Variants in ARPC1A observed in about 807,000 individuals in gnomAD.
The protein encoded by ARPC1A is actin related protein 2/3 complex subunit 1A.
Under a neutral mutation model 46.9 loss-of-function variants are expected in ARPC1A, and 8 were observed. The observed-to-expected ratio is 0.17, with a 90% CI of 0.10 to 0.31. The LOEUF (loss-of-function observed/expected upper bound fraction) is 0.31, where lower values mean the gene tolerates loss of function less well. ARPC1A is among the 10% of genes least tolerant of loss of function. The pLI is 1.00. For synonymous variants in ARPC1A, 152 were observed against 169.0 expected (o/e 0.90, Z 0.78); for missense variants, 286 against 483.6 (o/e 0.59, Z 3.83).
intron 5 of ARPC1A, 71 bp downstream of exon 5, chr7:99,349,030 T>TC: frequency 6.9e-7 from 1 of 1,440,104 alleles, no homozygotes; most frequent in Non-Finnish European, 9.7e-7. Context: ...TTTTAGGTTC[T>TC]CTTTCTTTGT....
At chr7:99,354,520 CAAAAAAAAAAA>C (rs149604532) in intron 6 of ARPC1A, among the ~76,000 whole-genome samples, 2 of 55,828 alleles carry the variant, frequency 3.6e-5, no homozygotes, top group Admixed American at 3.9e-4. Flanking sequence ...GACTCCGTCT[CAAAAAAAAAAA>C]AAAAAAAAAA....
chr7:99,329,097 G>A (rs977994888), intron 1 of ARPC1A, among the ~76,000 whole-genome samples: 3 of 151,940 alleles, frequency 2.0e-5, no homozygotes, highest in South Asian at 4.1e-4. Flanking sequence ...TCAGGATATC[G>A]AGACCATCCT....
chr7:99,338,356 C>A, intron 3 of ARPC1A, 71 bp downstream of exon 3: 9 of 990,362 alleles, frequency 9.1e-6, no homozygotes, highest in African/African-American at 1.8e-5. Context: ...GATAAAGAGC[C>A]TAATAAACCC....
intron 3 of ARPC1A, among the ~76,000 whole-genome samples, chr7:99,340,371 C>T (rs1452090224): frequency 6.6e-6 from 1 of 152,160 alleles, no homozygotes; most frequent in East Asian, 1.9e-4. Flanking sequence ...CCACATTGGA[C>T]AGGCTGGTCT....
chr7:99,341,876 CAT>C (rs1432221048), intron 3 of ARPC1A, among the ~76,000 whole-genome samples: 2 of 151,812 alleles, frequency 1.3e-5, no homozygotes, highest in African/African-American at 4.8e-5. Context: ...AAGGATCAGA[CAT>C]ATTTTCTCAG....
At chr7:99,344,201 C>A in intron 3 of ARPC1A, 92 bp from the exon 4 acceptor site, 1 of 1,184,288 alleles carries the variant, frequency 8.4e-7, no homozygotes. Context: ...AAGACCACGT[C>A]TCATCCTGGC....
chr7:99,342,475 G>C (rs1217112020), intron 3 of ARPC1A, among the ~76,000 whole-genome samples: 2 of 151,876 alleles, frequency 1.3e-5, no homozygotes, highest in Non-Finnish European at 2.9e-5. Context: ...AGCCTGGGAG[G>C]TTGAGGCTGC....
intron 5 of ARPC1A, 72 bp downstream of exon 5, chr7:99,349,031 C>T: frequency 2.1e-6 from 3 of 1,439,486 alleles, no homozygotes; most frequent in Non-Finnish European, 2.9e-6. Flanking sequence ...TTTAGGTTCT[C>T]TTTCTTTGTT....
intron 2 of ARPC1A, among the ~76,000 whole-genome samples, chr7:99,337,108 T>A (rs925036322): frequency 5.9e-5 from 9 of 152,076 alleles, no homozygotes; most frequent in African/African-American, 1.9e-4. Flanking sequence ...TTGCATAATA[T>A]ATACGATTTG....
chr7:99,365,820 G>T, intron 9 of ARPC1A, 71 bp from the exon 10 acceptor site: 1 of 1,458,850 alleles, frequency 6.9e-7, no homozygotes. Flanking sequence ...TGAGGAAGAG[G>T]GAGTGGTGTC....
intron 4 of ARPC1A, among the ~76,000 whole-genome samples, chr7:99,345,095 C>T (rs574200323): frequency 5.3e-5 from 8 of 151,300 alleles, no homozygotes; most frequent in Admixed American, 2.6e-4. Flanking sequence ...CCATCGTGCC[C>T]GGCTAATTTT....
intron 2 of ARPC1A, 94 bp from the exon 3 acceptor site, chr7:99,338,087 A>T: frequency 1.2e-6 from 1 of 869,260 alleles, no homozygotes; most frequent in Non-Finnish European, 1.7e-6. Flanking sequence ...TCTTTTCCTT[A>T]CTATAGTCTG....
At chr7:99,331,035 A>G (rs190046526) in intron 1 of ARPC1A, among the ~76,000 whole-genome samples, 6 of 152,372 alleles carry the variant, frequency 3.9e-5, no homozygotes, top group Middle Eastern at 6.8e-3. Flanking sequence ...ACAAACGCCT[A>G]CATACTCTTT....
At chr7:99,346,389 G>A (rs1200146456) in intron 4 of ARPC1A, among the ~76,000 whole-genome samples, 2 of 152,116 alleles carry the variant, frequency 1.3e-5, no homozygotes, top group African/African-American at 4.8e-5. Context: ...ATGTCAGCTG[G>A]TACTCCTTGC....
intron 5 of ARPC1A, among the ~76,000 whole-genome samples, chr7:99,349,191 C>T (rs1281802038): frequency 6.6e-6 from 1 of 152,056 alleles, no homozygotes; most frequent in Non-Finnish European, 1.5e-5. Flanking sequence ...GTTGGGACTA[C>T]AGGTATATGC....
At chr7:99,344,571 C>A (rs1793408842) in intron 4 of ARPC1A, 56 bp downstream of exon 4, 1 of 1,542,546 alleles carries the variant, frequency 6.5e-7, no homozygotes, top group Non-Finnish European at 8.9e-7. Flanking sequence ...ATTTGCACTG[C>A]TGTGTGAGGG....
intron 1 of ARPC1A, among the ~76,000 whole-genome samples, chr7:99,330,166 C>T (rs1332616608): frequency 1.3e-5 from 2 of 152,048 alleles, no homozygotes; most frequent in East Asian, 3.9e-4. Context: ...TTTGCTTTCT[C>T]GACTGTATAA....
At chr7:99,358,538 T>C (rs1167112985) in intron 7 of ARPC1A, 123 bp downstream of exon 7, 2 of 212,778 alleles carry the variant, frequency 9.4e-6, no homozygotes, top group East Asian at 1.7e-4. Context: ...AGAGCTCACT[T>C]TTTTTTTTTT....
chr7:99,352,504 A>G (rs1226185687), intron 5 of ARPC1A, among the ~76,000 whole-genome samples: 2 of 151,690 alleles, frequency 1.3e-5, no homozygotes, highest in East Asian at 3.9e-4. Flanking sequence ...AAAAAATTTT[A>G]AAATATTAGC....
Sources: gnomAD v4.1 joint callset for allele counts (sites outside exome capture counted in the v4.1 genomes callset) on GRCh38, gnomAD v4.1.1 for gene constraint, MANE v1.5 for transcripts, NCBI Gene and HGNC (gene_info 2026-07-23, HGNC 2026-07-21) for gene names.